TMEM132E: variants seen among roughly 807,000 people sequenced by gnomAD.
TMEM132E encodes the protein transmembrane protein 132E.
In TMEM132E, 49 loss-of-function variants were observed where a neutral mutation model predicts 78.5. The observed-to-expected ratio is 0.62, with a 90% CI of 0.50 to 0.79. The LOEUF (loss-of-function observed/expected upper bound fraction) is 0.79. Ranked by LOEUF, TMEM132E falls within the 30% of genes least tolerant of loss-of-function variation. The pLI is 0.00. For missense variants in TMEM132E, 1,403 were observed against 1,470.9 expected, an observed-to-expected ratio of 0.95 and a Z score of 0.75; for synonymous variants, 715 against 670.6, an observed-to-expected ratio of 1.07 and a Z score of -1.02.
At chr17:34,592,535 A>G (rs1597676420) in intron 1 of TMEM132E, among the ~76,000 whole-genome samples, 1 of 152,118 alleles carries the variant, frequency 6.6e-6, no homozygotes, top group African/African-American at 2.4e-5. Context: ...ACAGGCTTGA[A>G]CCCTGAAGAT....
chr17:34,611,801 A>C (rs138165818), intron 1 of TMEM132E, among the ~76,000 whole-genome samples: 1 of 152,244 alleles, frequency 6.6e-6, no homozygotes, highest in Non-Finnish European at 1.5e-5. Flanking sequence ...CACGGTGATG[A>C]TTCCAGGGGC....
chr17:34,588,115 G>A (rs533968094), intron 1 of TMEM132E, among the ~76,000 whole-genome samples: 4 of 152,062 alleles, frequency 2.6e-5, no homozygotes, highest in Non-Finnish European at 4.4e-5. Context: ...TCAGTCCCTC[G>A]AATAAGTCAT....
At chr17:34,594,461 T>C (rs1203068361) in intron 1 of TMEM132E, among the ~76,000 whole-genome samples, 5 of 152,250 alleles carry the variant, frequency 3.3e-5, no homozygotes, top group Admixed American at 6.5e-5. Context: ...TCCACGTTTA[T>C]AAAATGGGAT....
At chr17:34,587,372 G>A (rs1375691503) in intron 1 of TMEM132E, among the ~76,000 whole-genome samples, 1 of 152,182 alleles carries the variant, frequency 6.6e-6, no homozygotes, top group Non-Finnish European at 1.5e-5. Context: ...TGGCAGTGGG[G>A]GGGAATGGTT....
Position 34,638,092 on chromosome 17 carries a change from G to A in TMEM132E, c.3085G>A (p.Asp1029Asn). Residue 1029 changes from aspartate (D) to asparagine (N), a missense_variant, in exon 9 of 9, where the codon GAC becomes AAC. Coordinates refer to ENST00000631683, the MANE Select transcript of TMEM132E (RefSeq NM_001304438.2). ...TTLPSEELAY[D>N]SVPAGEEDEE... ...GCTGCCGTCAGAGGAGCTGGCCTAT[G>A]ACTCGGTGCCCGCGGGCGAAGAGGA... 1 of 1,594,944 alleles carries A rather than the reference G, an allele frequency of 6.3e-7. No homozygotes were observed. Among genetic ancestry groups the A allele is most frequent in the Non-Finnish European group, 8.5e-7 (1 of 1,170,970 alleles).
At chr17:34,633,806 T>C (rs893146094) in intron 6 of TMEM132E, among the ~76,000 whole-genome samples, 1 of 152,186 alleles carries the variant, frequency 6.6e-6, no homozygotes, top group African/African-American at 2.4e-5. Context: ...AGGTCTGGGG[T>C]AAAGCCTGTG....
At chr17:34,603,586 G>A (rs1359373415) in intron 1 of TMEM132E, among the ~76,000 whole-genome samples, 1 of 152,194 alleles carries the variant, frequency 6.6e-6, no homozygotes, top group East Asian at 1.9e-4. Flanking sequence ...ACACAGAGGT[G>A]TCAGGCAGCG....
rs1907399499 is a variant in TMEM132E, at chr17:34,632,890, C to T, written c.1669C>T (p.Pro557Ser). 2 of 1,614,016 alleles carry T rather than the reference C, an allele frequency of 1.2e-6. No individual in the cohort carries two copies. The highest frequency in any genetic ancestry group is 2.7e-5 in the African/African-American group (2 of 74,928). ...RLSQVKGWRV[P>S]ILPDRRSVRE... ...CAGCCAAGTGAAGGGCTGGAGGGTA[C>T]CTATCCTCCCCGACCGGAGGTACAG... Residue 557 changes from proline (P) to serine (S), a missense_variant, in exon 6 of 9, where the codon CCT (proline) becomes TCT (serine). Physicochemically the swap from Pro to Ser is moderately conservative, Grantham distance 74. This residue lies in a region of TMEM132E where 888 missense variants were observed against 952.8 expected (regional missense o/e 0.93). Coordinates refer to ENST00000631683, the MANE Select transcript of TMEM132E (RefSeq NM_001304438.2).
intron 1 of TMEM132E, among the ~76,000 whole-genome samples, chr17:34,586,993 A>C (rs1313432342): frequency 6.6e-6 from 1 of 151,996 alleles, no homozygotes; most frequent in Non-Finnish European, 1.5e-5. Context: ...CTCTTACATG[A>C]CTTTTTTTGT....
intron 2 of TMEM132E, among the ~76,000 whole-genome samples, chr17:34,628,257 T>G (rs755874159): frequency 6.6e-6 from 1 of 152,088 alleles, no homozygotes; most frequent in Non-Finnish European, 1.5e-5. Context: ...TTTCTGAAAA[T>G]GGAATGGGAT....
rs772995085 is a variant in TMEM132E, at chr17:34,638,258, C to CG, written c.*26_*27insG. 8 of 1,411,082 alleles carry CG rather than the reference C, an allele frequency of 5.7e-6. No homozygotes were observed. In the Middle Eastern group the frequency reaches 6.2e-4, roughly 109 times the overall value. The allele number at this position is 1,411,082 out of a possible 1,614,324, so 87.4% of individuals were successfully genotyped here. A position where few individuals can be genotyped will look rare whatever the true frequency, so the allele number is the denominator to read the frequency against. On this transcript the variant is annotated 3_prime_UTR_variant, in exon 9 of 9. Transcript: ENST00000631683. ...AGGCGCCAGCCGGAGTAGCAGGGAC[C>CG]CCCCCCCCCAACGGGGTCAGCTCGG...
rs1250429424 is a variant in TMEM132E at position 34,626,517 on chromosome 17, G to A, written c.458G>A (p.Trp153Ter). 6.2e-7 allele frequency: 1 copy of A among 1,607,062 alleles called. No individual in the cohort carries two copies. The highest frequency in any genetic ancestry group is 1.7e-5 in the Admixed American group (1 of 59,908). Residue 153 changes from tryptophan (W) to a stop codon, truncating the protein, a stop_gained, in exon 2 of 9, where the codon TGG becomes TAG. Coordinates refer to ENST00000631683, the MANE Select transcript of TMEM132E (RefSeq NM_001304438.2). LOFTEE classifies it high-confidence loss of function. ...QVLFYVAGRDWDDFGVTERLP... is the reference protein window; with the variant it reads ...QVLFYVAGRD The stretch of plus-strand genomic sequence containing the variant: ...CTGTTCTACGTAGCCGGCCGGGACT[G>A]GGACGACTTCGGCGTCACCGAGCGG...
At position 34,626,481 on chromosome 17, in the gene TMEM132E, T is replaced by C; in HGVS notation, c.422T>C (p.Val141Ala). The change falls in exon 2 of 9, where the codon GTG (valine) becomes GCG (alanine). Residue 141 changes from valine to alanine, a missense_variant. Coordinates refer to ENST00000631683, the MANE Select transcript of TMEM132E (RefSeq NM_001304438.2). ...VRSHVPASQP[V>A]VQVLFYVAGR... ...TCGCACGTGCCCGCCTCGCAGCCCG[T>C]GGTCCAGGTGCTGTTCTACGTAGCC... The C allele has an allele frequency of 6.2e-7, 1 of 1,612,536 alleles. No homozygotes were observed.
chr17:34,602,198 C>T (rs1906264173), intron 1 of TMEM132E, among the ~76,000 whole-genome samples: 1 of 152,260 alleles, frequency 6.6e-6, no homozygotes, highest in Admixed American at 6.5e-5. Context: ...GCATGGCCTC[C>T]CAGTCTAGGA....
In TMEM132E at chr17:34,638,252, A is replaced by G; in HGVS notation, c.*20A>G. On this transcript the variant is annotated 3_prime_UTR_variant, in exon 9 of 9. Coordinates refer to ENST00000631683, the MANE Select transcript of TMEM132E (RefSeq NM_001304438.2). ...GCATAGAGGCGCCAGCCGGAGTAGCAGGGACCCCCCCCCCCAACGGGGTCA... is the reference window on the plus strand; with the variant it reads ...GCATAGAGGCGCCAGCCGGAGTAGCGGGGACCCCCCCCCCCAACGGGGTCA... 1.4e-6 allele frequency: 2 copies of G among 1,475,734 alleles called. No individual in the cohort carries two copies. The highest frequency in any genetic ancestry group is 9.0e-7 in the Non-Finnish European group (1 of 1,116,800). 91.4% of individuals were successfully genotyped at this position (1,475,734 alleles called of 1,614,324 possible).
At chr17:34,630,424 G>T (rs574394459) in intron 5 of TMEM132E, among the ~76,000 whole-genome samples, 1 of 152,048 alleles carries the variant, frequency 6.6e-6, no homozygotes, top group African/African-American at 2.4e-5. Flanking sequence ...TCCTGCCCCT[G>T]GATATTGCTT....
chr17:34,586,475 T>TG (rs1567710039), intron 1 of TMEM132E, among the ~76,000 whole-genome samples: 1 of 151,672 alleles, frequency 6.6e-6, no homozygotes, highest in Admixed American at 6.6e-5. Context: ...CACGGGTCTC[T>TG]GGGGGACAAA....
intron 5 of TMEM132E, among the ~76,000 whole-genome samples, chr17:34,631,771 C>G (rs1907356056): frequency 6.6e-6 from 1 of 152,164 alleles, no homozygotes; most frequent in Non-Finnish European, 1.5e-5. Flanking sequence ...AGCCCACCAG[C>G]TGAATGATAG....
chr17:34,626,225 T>C lies in TMEM132E; in HGVS notation c.166T>C (p.Phe56Leu). Residue 56 changes from phenylalanine (F) to leucine (L), a missense_variant, in exon 2 of 9, where the codon TTC becomes CTC. Transcript: ENST00000631683. ...CCGCCTGTCGCACACGCGGCTGGCC[T>C]TCTTCCTGCGGGAGGCGCGGCCCCC... Reference protein sequence around the residue: ...SYRLSHTRLAFFLREARPPSP... With the variant: ...SYRLSHTRLALFLREARPPSP... 6.3e-7 allele frequency: 1 copy of C among 1,587,652 alleles called. No individual in the cohort carries two copies. Among genetic ancestry groups the C allele is most frequent in the South Asian group, 1.1e-5 (1 of 87,378 alleles).
Sources: allele counts gnomAD v4.1 joint callset (sites outside exome capture counted in the v4.1 genomes callset), GRCh38; gene constraint gnomAD v4.1.1; regional missense constraint gnomAD v4.1.1; transcripts MANE v1.5; gene names NCBI Gene and HGNC (gene_info 2026-07-23, HGNC 2026-07-21).